CDK8: variants seen among roughly 807,000 people sequenced by gnomAD.
CDK8 encodes cyclin-dependent kinase 8.
CDK8 carries 29 observed loss-of-function variants against 71.5 expected under a neutral mutation model. The observed-to-expected ratio is 0.41, with a 90% CI of 0.30 to 0.55. The LOEUF (loss-of-function observed/expected upper bound fraction) is 0.55, where lower values mean the gene tolerates loss of function less well. CDK8 is among the 20% of genes least tolerant of loss of function. CDK8 has a pLI of 0.37. For synonymous variants in CDK8, 161 were observed against 192.1 expected, an observed-to-expected ratio of 0.84 and a Z score of 1.34; for missense variants, 288 against 572.6, an observed-to-expected ratio of 0.50 and a Z score of 5.07.
At chr13:26,384,422 A>G (rs202137550) in intron 5 of CDK8, among the ~76,000 whole-genome samples, 1 of 152,244 alleles carries the variant, frequency 6.6e-6, no homozygotes, top group Non-Finnish European at 1.5e-5. Flanking sequence ...ATGTGTAATG[A>G]CAACTGTACA....
At chr13:26,293,827 G>A (rs1311911039) in intron 1 of CDK8, among the ~76,000 whole-genome samples, 2 of 151,846 alleles carry the variant, frequency 1.3e-5, no homozygotes, top group Admixed American at 1.3e-4. Context: ...TCAAGTATAC[G>A]TTTACTGTAG....
At chr13:26,320,714 G>A (rs1202643421) in intron 1 of CDK8, among the ~76,000 whole-genome samples, 1 of 152,082 alleles carries the variant, frequency 6.6e-6, no homozygotes. Context: ...ATTGGCAAAG[G>A]ACTTGAATAA....
chr13:26,293,140 G>C (rs1873379296), intron 1 of CDK8, among the ~76,000 whole-genome samples: 1 of 151,988 alleles, frequency 6.6e-6, no homozygotes, highest in South Asian at 2.1e-4. Context: ...TGTTTCTCTA[G>C]ATTCTTAGTT....
intron 4 of CDK8, among the ~76,000 whole-genome samples, chr13:26,382,281 G>C (rs1037931006): frequency 6.6e-6 from 1 of 152,070 alleles, no homozygotes; most frequent in Non-Finnish European, 1.5e-5. Context: ...TCTTAAAACT[G>C]TTCCTGTCAT....
intron 1 of CDK8, among the ~76,000 whole-genome samples, chr13:26,316,692 C>A (rs557630380): frequency 1.3e-5 from 2 of 152,018 alleles, no homozygotes; most frequent in African/African-American, 4.8e-5. Context: ...CACGCAATAA[C>A]GAAAAGTAGC....
At chr13:26,281,013 C>T (rs1872723975) in intron 1 of CDK8, among the ~76,000 whole-genome samples, 1 of 152,264 alleles carries the variant, frequency 6.6e-6, no homozygotes, top group Non-Finnish European at 1.5e-5. Flanking sequence ...TCAAAACTGC[C>T]ACCTTCTGGC....
chr13:26,264,750 C>A (rs1338985010), intron 1 of CDK8, among the ~76,000 whole-genome samples: 6 of 152,060 alleles, frequency 3.9e-5, no homozygotes, highest in East Asian at 1.9e-4. Flanking sequence ...CTTCCTAGTC[C>A]CCTTTATCTA....
At chr13:26,333,410 G>A (rs1410621080) in intron 1 of CDK8, among the ~76,000 whole-genome samples, 4 of 152,114 alleles carry the variant, frequency 2.6e-5, no homozygotes, top group Admixed American at 6.6e-5. Context: ...AAAGTGCTGG[G>A]ATTACAGGTG....
intron 1 of CDK8, among the ~76,000 whole-genome samples, chr13:26,291,373 G>GTCT: frequency 6.6e-6 from 1 of 152,104 alleles, no homozygotes; most frequent in Non-Finnish European, 1.5e-5. Flanking sequence ...ACTATACATA[G>GTCT]ATGTATGTAT....
chr13:26,271,302 T>C (rs1230753048), intron 1 of CDK8, among the ~76,000 whole-genome samples: 4 of 152,144 alleles, frequency 2.6e-5, no homozygotes, highest in Admixed American at 2.6e-4. Flanking sequence ...AAGTTTATGA[T>C]TGTGTGAACA....
intron 4 of CDK8, among the ~76,000 whole-genome samples, chr13:26,376,562 T>C (rs991527015): frequency 6.6e-6 from 1 of 152,246 alleles, no homozygotes; most frequent in African/African-American, 2.4e-5. Flanking sequence ...GTGTGTTTTC[T>C]CTTGCCATGC....
chr13:26,367,153 T>C (rs1459355463), intron 4 of CDK8, among the ~76,000 whole-genome samples: 6 of 152,170 alleles, frequency 3.9e-5, no homozygotes, highest in Admixed American at 2.0e-4. Flanking sequence ...CTTCTCTTTT[T>C]TCCCCCCTTC....
At chr13:26,402,210 T>C (rs1372001138) in intron 12 of CDK8, among the ~76,000 whole-genome samples, 2 of 152,214 alleles carry the variant, frequency 1.3e-5, no homozygotes, top group Non-Finnish European at 2.9e-5. Flanking sequence ...CTGAGGCTTG[T>C]AGAGGTTAAA....
intron 1 of CDK8, among the ~76,000 whole-genome samples, chr13:26,283,182 C>G (rs1872838651): frequency 1.3e-5 from 2 of 152,216 alleles, no homozygotes; most frequent in Admixed American, 6.5e-5. Flanking sequence ...TTAAACTATA[C>G]CATAGAACAA....
intron 1 of CDK8, among the ~76,000 whole-genome samples, chr13:26,313,549 G>A (rs1004047403): frequency 2.6e-5 from 4 of 152,154 alleles, no homozygotes; most frequent in African/African-American, 9.7e-5. Flanking sequence ...TTGGGATACG[G>A]GACTAAAATC....
chr13:26,365,014 TTTTG>T (rs1439778120), intron 4 of CDK8, among the ~76,000 whole-genome samples: 24 of 152,132 alleles, frequency 1.6e-4, no homozygotes, highest in Non-Finnish European at 2.9e-4. Context: ...AAACAGAGCT[TTTTG>T]AAGGAAAAAT....
In CDK8 at chr13:26,254,455, C is replaced by T. The variant is rs1871422115; in HGVS notation, c.-187C>T. On this transcript the variant is annotated 5_prime_UTR_variant, in exon 1 of 13. Transcript: ENST00000381527. This position sits in a 1 kb window ranked among gnomAD's most constrained non-coding sequence, Gnocchi z 6.7. Reference sequence around the variant, plus strand: ...CCCGGCCGGCCTCTGCCCCGCCGTCCCCCTGGATGTCCCTGGCGCTTTCGC... The same window carrying T: ...CCCGGCCGGCCTCTGCCCCGCCGTCTCCCTGGATGTCCCTGGCGCTTTCGC... 1 of 475,280 alleles carries T rather than the reference C, an allele frequency of 2.1e-6. No homozygotes were observed. The highest frequency in any genetic ancestry group is 2.5e-5 in the South Asian group (1 of 40,670). 29.4% of individuals were successfully genotyped at this position (475,280 alleles called of 1,614,324 possible).
At chr13:26,337,992 C>G (rs1239055839) in intron 2 of CDK8, among the ~76,000 whole-genome samples, 1 of 151,916 alleles carries the variant, frequency 6.6e-6, no homozygotes. Context: ...AGACTAATGT[C>G]ATTAGTTATG....
intron 6 of CDK8, among the ~76,000 whole-genome samples, chr13:26,388,911 A>G (rs1380787926): frequency 1.3e-5 from 2 of 152,172 alleles, no homozygotes; most frequent in Admixed American, 6.5e-5. Context: ...GGAGGACCAA[A>G]TATGAATTCA....
Sources: gnomAD v4.1 joint callset for allele counts (sites outside exome capture counted in the v4.1 genomes callset) on GRCh38, gnomAD v4.1.1 for gene constraint, Gnocchi (gnomAD v3.1) non-coding constraint, MANE v1.5 for transcripts, NCBI Gene and HGNC (gene_info 2026-07-23, HGNC 2026-07-21) for gene names.